Variants in SESN3 observed in about 807,000 individuals in gnomAD.
SESN3 encodes sestrin 3, also known as sestrin-3.
A neutral mutation model predicts 55.3 loss-of-function variants in SESN3; 21 were observed. The ratio of observed to expected loss-of-function variants is 0.38; its 90% CI spans 0.27 to 0.55. SESN3 has a LOEUF of 0.55. Among genes scored for constraint, SESN3 ranks in the 20% least tolerant of loss-of-function variants. SESN3 has a pLI of 0.76. For synonymous variants in SESN3, 181 were observed against 203.1 expected (o/e 0.89, Z 0.93); for missense variants, 408 against 604.3 (o/e 0.68, Z 3.41).
chr11:95,180,109 GAACA>G (rs1860032697), intron 6 of SESN3, among the ~76,000 whole-genome samples: 1 of 151,950 alleles, frequency 6.6e-6, no homozygotes, highest in Admixed American at 6.6e-5. Context: ...CAAAATAAAA[GAACA>G]AACTAGCTAT....
At chr11:95,203,200 G>A (rs1860490010) in intron 1 of SESN3, among the ~76,000 whole-genome samples, 1 of 152,016 alleles carries the variant, frequency 6.6e-6, no homozygotes, top group Non-Finnish European at 1.5e-5. Flanking sequence ...AGAATGACAG[G>A]ATGGTTTTCA....
At chr11:95,191,725 T>C in intron 2 of SESN3, 124 bp from the exon 3 acceptor site, 1 of 688,382 alleles carries the variant, frequency 1.5e-6, no homozygotes, top group Non-Finnish European at 2.4e-6. Context: ...ACTGAAATTA[T>C]GCAGTTGCTC....
Position 95,200,393 on chromosome 11 carries a change from ATATG to A in SESN3, c.79-6875_79-6872del, listed in dbSNP as rs530498950. Among the ~76,000 whole-genome samples the A allele has an allele frequency of 3.1e-3, 467 of 152,192 alleles. 4 individuals are homozygous for A. Among genetic ancestry groups the A allele is most frequent in the African/African-American group, 0.011 (456 of 41,578 alleles). On this transcript the variant is annotated intron_variant, in intron 1 of 9. Transcript: ENST00000536441. ...AATGTGACTTCTATACCATATTAAA[ATATG>A]TATTGATGTTCACCAGATTATAATA...
chr11:95,170,692 A>G lies in SESN3; in HGVS notation c.*2563T>C, dbSNP rs1261382945. On this transcript the variant is annotated 3_prime_UTR_variant, in exon 10 of 10. Transcript: ENST00000536441. Reference sequence around the variant, plus strand: ...GCAAACTCGTTGTAAAATGGTATTCACAACCTGAAATGCTGTGCATGCTGC... The same window carrying G: ...GCAAACTCGTTGTAAAATGGTATTCGCAACCTGAAATGCTGTGCATGCTGC... 6.6e-6 allele frequency: 1 copy of G among 152,236 alleles called. No individual in the cohort carries two copies. Among genetic ancestry groups the G allele is most frequent in the African/African-American group, 2.4e-5 (1 of 41,476 alleles). The allele number at this position is 152,236 out of a possible 1,614,324, so 9.4% of individuals were successfully genotyped here. A position where few individuals can be genotyped will look rare whatever the true frequency, so the allele number is the denominator to read the frequency against.
intron 9 of SESN3, among the ~76,000 whole-genome samples, chr11:95,174,416 A>G (rs934077677): frequency 9.2e-5 from 14 of 152,220 alleles, no homozygotes; most frequent in African/African-American, 3.4e-4. Context: ...TTTATGTAAC[A>G]GTATATTTGG....
At position 95,173,290 on chromosome 11, in the gene SESN3, A is replaced by T; in HGVS notation, c.1444T>A (p.Tyr482Asn). ...TGCCGAGTTATGGCACGAAGAGCAT[A>T]AAGAAGTTCAGCTTGCATTCGTGCT... ...MEARMQAELL[Y>N]ALRAITRHLT The change falls in exon 10 of 10, where the codon TAT becomes AAT. Residue 482 changes from tyrosine to asparagine, a missense_variant. Tyr to Asn is a moderately radical substitution (Grantham distance 143, BLOSUM62 -2). Around this residue, in one of 4 missense-constraint regions of SESN3, gnomAD observed 121 missense variants for 204.9 expected, o/e 0.59. Coordinates refer to ENST00000536441, the MANE Select transcript of SESN3 (RefSeq NM_144665.4). 1 of 1,595,448 alleles carries T rather than the reference A, an allele frequency of 6.3e-7. No individual in the cohort carries two copies. Among genetic ancestry groups the T allele is most frequent in the Non-Finnish European group, 8.6e-7 (1 of 1,165,238 alleles).
At chr11:95,198,922 CAT>C (rs35834389) in intron 1 of SESN3, among the ~76,000 whole-genome samples, 41,294 of 151,898 alleles carry the variant, frequency 0.27, 5,970 homozygotes, top group Admixed American at 0.32. Flanking sequence ...GCATAATAAA[CAT>C]GTACTAAAGT....
chr11:95,197,816 A>G (rs1364367792), intron 1 of SESN3, among the ~76,000 whole-genome samples: 1 of 152,168 alleles, frequency 6.6e-6, no homozygotes, highest in Non-Finnish European at 1.5e-5. Flanking sequence ...ACAGGATACG[A>G]AAATGAGCAA....
At chr11:95,216,310 T>C (rs1382686344) in intron 1 of SESN3, among the ~76,000 whole-genome samples, 3 of 152,120 alleles carry the variant, frequency 2.0e-5, no homozygotes, top group Non-Finnish European at 4.4e-5. Flanking sequence ...TCTTTGACAG[T>C]CATGTAATGT....
At chr11:95,178,315 A>G (rs376963218) in intron 7 of SESN3, among the ~76,000 whole-genome samples, 1 of 152,356 alleles carries the variant, frequency 6.6e-6, no homozygotes, top group East Asian at 1.9e-4. Context: ...TTTAGGAGTC[A>G]TATCACTGCT....
chr11:95,189,630 C>T, intron 4 of SESN3, 149 bp downstream of exon 4: 1 of 520,940 alleles, frequency 1.9e-6, no homozygotes, highest in Non-Finnish European at 3.3e-6. Flanking sequence ...GAGAAGTATT[C>T]ATTTGTGCTT....
chr11:95,199,010 A>G (rs1368113175), intron 1 of SESN3, among the ~76,000 whole-genome samples: 1 of 152,182 alleles, frequency 6.6e-6, no homozygotes, highest in Non-Finnish European at 1.5e-5. Flanking sequence ...TAATCTTAAT[A>G]ACAGAAAAGT....
intron 1 of SESN3, among the ~76,000 whole-genome samples, chr11:95,196,927 C>G (rs1458908386): frequency 6.6e-6 from 1 of 152,162 alleles, no homozygotes; most frequent in East Asian, 1.9e-4. Context: ...ATCCCAGAAC[C>G]AAGCATTTTA....
chr11:95,175,568 G>T lies in SESN3; in HGVS notation c.1322C>A (p.Thr441Asn). 6.2e-7 allele frequency: 1 copy of T among 1,613,580 alleles called. No individual in the cohort carries two copies. The highest frequency in any genetic ancestry group is 8.5e-7 in the Non-Finnish European group (1 of 1,179,572). The change falls in exon 9 of 10, where the codon ACC becomes AAC. Residue 441 changes from threonine (T) to asparagine (N), a missense_variant. By Grantham distance (65) the Thr-to-Asn change is moderately conservative. Coordinates refer to ENST00000536441, the MANE Select transcript of SESN3 (RefSeq NM_144665.4). ...RSLKVYIKTV[T>N]CYPERTTKRM... ...TTTTGTAGTTCTCTCAGGATAGCAG[G>T]TCACTGTCTTAATGTAAACCTTCAG...
chr11:95,231,375 A>C (rs1242403858), upstream of SESN3: 6 of 376,360 alleles, frequency 1.6e-5, no homozygotes, highest in East Asian at 3.9e-5. Flanking sequence ...GAAGCCTTGA[A>C]TCTCCGGGCA....
rs1488746675 is a variant in SESN3, at chr11:95,167,612, T to C, written c.*5643A>G. The stretch of plus-strand genomic sequence containing the variant: ...CCATTATTAAGTCTCATTTCTTAAC[T>C]AGGATGTCAATTCATTCCTGAGCCC... On this transcript the variant is annotated 3_prime_UTR_variant, in exon 10 of 10. Coordinates refer to ENST00000536441, the MANE Select transcript of SESN3 (RefSeq NM_144665.4). The C allele has an allele frequency of 6.6e-6, 1 of 152,204 alleles. No homozygotes were observed. Among genetic ancestry groups the C allele is most frequent in the African/African-American group, 2.4e-5 (1 of 41,440 alleles). 9.4% of individuals were successfully genotyped at this position (152,204 alleles called of 1,614,324 possible). A position where few individuals can be genotyped will look rare whatever the true frequency, so the allele number is the denominator to read the frequency against.
chr11:95,195,600 A>G (rs902865906), intron 1 of SESN3, among the ~76,000 whole-genome samples: 1 of 152,184 alleles, frequency 6.6e-6, no homozygotes, highest in Non-Finnish European at 1.5e-5. Flanking sequence ...TTTAGCAATT[A>G]TCATTTACTT....
In SESN3 at chr11:95,173,120, A is replaced by AAAAC; in HGVS notation, c.*134_*135insGTTT. 3 of 474,336 alleles carry AAAAC rather than the reference A, an allele frequency of 6.3e-6. No homozygotes were observed. The highest frequency in any genetic ancestry group is 6.6e-5 in the Admixed American group (2 of 30,300). 29.4% of individuals were successfully genotyped at this position (474,336 alleles called of 1,614,324 possible). A position where few individuals can be genotyped will look rare whatever the true frequency, so the allele number is the denominator to read the frequency against. On this transcript the variant is annotated 3_prime_UTR_variant, in exon 10 of 10. Transcript: ENST00000536441. ...TTGCACATTACAGCCGCAAAAAACA[A>AAAAC]AAAAAAAAAAACAAACGGCTAAACT...
At chr11:95,189,253 A>G (rs1298045886) in intron 4 of SESN3, among the ~76,000 whole-genome samples, 1 of 151,956 alleles carries the variant, frequency 6.6e-6, no homozygotes, top group East Asian at 1.9e-4. Flanking sequence ...GTCAATCACG[A>G]CAACTCTATT....
Sources: gnomAD v4.1 joint callset for allele counts (sites outside exome capture counted in the v4.1 genomes callset) on GRCh38, gnomAD v4.1.1 for gene constraint, gnomAD v4.1.1 regional missense constraint, MANE v1.5 for transcripts, NCBI Gene and HGNC (gene_info 2026-07-23, HGNC 2026-07-21) for gene names.